Variants in KIRREL3 observed in about 807,000 individuals in gnomAD.
KIRREL3 encodes kirre like nephrin family adhesion molecule 3, also known as kin of IRRE-like protein 3.
Under a neutral mutation model 89.7 loss-of-function variants are expected in KIRREL3, and 36 were observed. That is an observed-to-expected ratio of 0.40 (90% CI 0.31 to 0.53). The LOEUF (loss-of-function observed/expected upper bound fraction) is 0.53. KIRREL3 is among the 20% of genes least tolerant of loss of function. The pLI is 0.49. For synonymous variants in KIRREL3, 445 were observed against 441.4 expected, an observed-to-expected ratio of 1.01 and a Z score of -0.10; for missense variants, 864 against 1,056.6, an observed-to-expected ratio of 0.82 and a Z score of 2.53.
chr11:126,533,044 C>A (rs1958991193), intron 2 of KIRREL3, among the ~76,000 whole-genome samples: 1 of 152,140 alleles, frequency 6.6e-6, no homozygotes, highest in Admixed American at 6.5e-5. Flanking sequence ...TGGCCTGAAG[C>A]AATCCTCGTG....
chr11:126,696,258 A>AT lies in KIRREL3; in HGVS notation c.56-133347dup, dbSNP rs1947091340. 6.6e-6 allele frequency among the ~76,000 whole-genome samples: 1 copy of AT among 150,682 alleles called. No homozygotes were observed. The highest frequency in any genetic ancestry group is 1.5e-5 in the Non-Finnish European group (1 of 67,686). ...GGCCACTGAGCGAGACTCTATCTCA[A>AT]TTAAAAAAAAAAAAAAAAGCCTGGA... On this transcript the variant is annotated intron_variant, in intron 1 of 16. Coordinates refer to ENST00000525144, the MANE Select transcript of KIRREL3 (RefSeq NM_032531.4). This position sits in a 1 kb window ranked among gnomAD's most constrained non-coding sequence, Gnocchi z 4.4.
At chr11:126,673,828 G>C (rs1946066746) in intron 1 of KIRREL3, among the ~76,000 whole-genome samples, 2 of 152,236 alleles carry the variant, frequency 1.3e-5, no homozygotes, top group African/African-American at 4.8e-5. Context: ...CACCGGGATG[G>C]ATGTTCCTCC....
In KIRREL3 at chr11:126,995,591, C is replaced by A. The variant is rs1950160296; in HGVS notation, c.55+4864G>T. ...TAAAACCAGTGCTTTTGGCCCTCCT[C>A]CTCACTCCTCCAGTATGGGCAATTT... On this transcript the variant is annotated intron_variant, in intron 1 of 16. Transcript: ENST00000525144. This position sits in a 1 kb window ranked among gnomAD's most constrained non-coding sequence, Gnocchi z 6.5. 1 of 303,620 alleles carries A rather than the reference C, an allele frequency of 3.3e-6. No homozygotes were observed. Among genetic ancestry groups the A allele is most frequent in the South Asian group, 3.0e-5 (1 of 33,472 alleles). The allele number at this position is 303,620 out of a possible 1,614,324, so 18.8% of individuals were successfully genotyped here.
intron 12 of KIRREL3, among the ~76,000 whole-genome samples, chr11:126,436,323 G>A (rs1955333666): frequency 6.6e-6 from 1 of 152,238 alleles, no homozygotes; most frequent in Admixed American, 6.5e-5. Flanking sequence ...GCCCTCTGTG[G>A]GACTTGTGTC....
rs977442133 is a variant in KIRREL3, at chr11:126,428,550, G to A, written c.1806+629C>T. On this transcript the variant is annotated intron_variant, in intron 15 of 16. Coordinates refer to ENST00000525144, the MANE Select transcript of KIRREL3 (RefSeq NM_032531.4). The surrounding 1 kb of genome is among the most constrained non-coding windows in gnomAD (Gnocchi z 6.4). ...ATGTGTGTGTGTGCGGGGGAGGGGA[G>A]GGGATTATATGTTATATAACAACAT... is the stretch of plus-strand genomic sequence containing the variant. Among the ~76,000 whole-genome samples, 3 of 152,046 alleles carry A rather than the reference G, an allele frequency of 2.0e-5. No homozygotes were observed. Among genetic ancestry groups the A allele is most frequent in the African/African-American group, 7.3e-5 (3 of 41,370 alleles).
At position 126,530,749 on chromosome 11, in the gene KIRREL3, C is replaced by T. The variant is rs562001897; in HGVS notation, c.134-4062G>A. On this transcript the variant is annotated intron_variant, in intron 2 of 16. Coordinates refer to ENST00000525144, the MANE Select transcript of KIRREL3 (RefSeq NM_032531.4). This position sits in a 1 kb window ranked among gnomAD's most constrained non-coding sequence, Gnocchi z 5.8. The stretch of plus-strand genomic sequence containing the variant: ...ACCGGCCCAGGGTTTCCATCTTCTC[C>T]GCTTCGCATTTTCCCTGATGATGTT... Among the ~76,000 whole-genome samples, 26 of 152,330 alleles carry T rather than the reference C, an allele frequency of 1.7e-4. No homozygotes were observed. Among genetic ancestry groups the T allele is most frequent in the East Asian group, 5.8e-4 (3 of 5,186 alleles).
rs1054504694 is a variant in KIRREL3, at chr11:126,685,648, T to C, written c.56-122736A>G. Among the ~76,000 whole-genome samples, 47 of 152,318 alleles carry C rather than the reference T, an allele frequency of 3.1e-4. No individual in the cohort carries two copies. The highest frequency in any genetic ancestry group is 1.0e-4 in the Non-Finnish European group (7 of 68,014). ...AGTCATAATGGTAACAGATAAACCT[T>C]AATTAAAACATTCCAAAATACCATG... On this transcript the variant is annotated intron_variant, in intron 1 of 16. Transcript: ENST00000525144. This position sits in a 1 kb window ranked among gnomAD's most constrained non-coding sequence, Gnocchi z 5.5.
intron 1 of KIRREL3, among the ~76,000 whole-genome samples, chr11:126,794,457 C>T (rs61897931): frequency 0.043 from 6,485 of 152,310 alleles, 211 homozygotes; most frequent in Middle Eastern, 0.085. Context: ...CATTCTGAGC[C>T]TCAGTCTCCT....
intron 1 of KIRREL3, among the ~76,000 whole-genome samples, chr11:126,779,530 T>C (rs1034018371): frequency 1.3e-5 from 2 of 152,204 alleles, no homozygotes; most frequent in Non-Finnish European, 2.9e-5. Context: ...CCAATCATTA[T>C]AACACATCTC....
At chr11:126,941,256 C>A (rs998178716) in intron 1 of KIRREL3, among the ~76,000 whole-genome samples, 18 of 148,956 alleles carry the variant, frequency 1.2e-4, no homozygotes, top group African/African-American at 4.5e-4. Flanking sequence ...ATAGTAAAAA[C>A]AAACAAACAA....
intron 1 of KIRREL3, among the ~76,000 whole-genome samples, chr11:126,722,584 C>A (rs1295133790): frequency 6.6e-6 from 1 of 152,234 alleles, no homozygotes. Flanking sequence ...TACTTTCATG[C>A]CACAATGGCA....
intron 1 of KIRREL3, among the ~76,000 whole-genome samples, chr11:126,585,161 C>T (rs1395237438): frequency 6.6e-6 from 1 of 150,806 alleles, no homozygotes; most frequent in African/African-American, 2.4e-5. Flanking sequence ...CCTCGCGATC[C>T]GTCAGCCTTG....
chr11:126,929,120 A>G (rs1947836209), intron 1 of KIRREL3, among the ~76,000 whole-genome samples: 1 of 152,218 alleles, frequency 6.6e-6, no homozygotes, highest in South Asian at 2.1e-4. Flanking sequence ...ACATCTGCCA[A>G]CTGTGACTGA....
In KIRREL3 at chr11:126,742,630, C is replaced by A. The variant is rs1294692924; in HGVS notation, c.56-179718G>T. On this transcript the variant is annotated intron_variant, in intron 1 of 16. Coordinates refer to ENST00000525144, the MANE Select transcript of KIRREL3 (RefSeq NM_032531.4). This position sits in a 1 kb window ranked among gnomAD's most constrained non-coding sequence, Gnocchi z 5.3. ...ACTTGTCAAGGTCACATAGCCAGTACATGGTTGAACTGGGACATCAGCCTA... is the reference window on the plus strand; with the variant it reads ...ACTTGTCAAGGTCACATAGCCAGTAAATGGTTGAACTGGGACATCAGCCTA... Among the ~76,000 whole-genome samples, 1 of 152,194 alleles carries A rather than the reference C, an allele frequency of 6.6e-6. No homozygotes were observed. The highest frequency in any genetic ancestry group is 2.4e-5 in the African/African-American group (1 of 41,442).
intron 1 of KIRREL3, among the ~76,000 whole-genome samples, chr11:126,787,843 G>A (rs796120876): frequency 5.9e-5 from 9 of 152,290 alleles, no homozygotes; most frequent in African/African-American, 1.7e-4. Flanking sequence ...TTCTAACAAT[G>A]GAAGCAGGTC....
In KIRREL3 at chr11:126,965,829, T is replaced by G. The variant is rs970724579; in HGVS notation, c.55+34626A>C. 1.3e-5 allele frequency among the ~76,000 whole-genome samples: 2 copies of G among 152,102 alleles called. No homozygotes were observed. Among genetic ancestry groups the G allele is most frequent in the Non-Finnish European group, 2.9e-5 (2 of 68,022 alleles). On this transcript the variant is annotated intron_variant, in intron 1 of 16. Coordinates refer to ENST00000525144, the MANE Select transcript of KIRREL3 (RefSeq NM_032531.4). This position sits in a 1 kb window ranked among gnomAD's most constrained non-coding sequence, Gnocchi z 4.4. Reference sequence around the variant, plus strand: ...GTGCCAGCGATGATAGCCAGACAGGTGACAGAACTCGATGTGTGTGGGTAT... The same window carrying G: ...GTGCCAGCGATGATAGCCAGACAGGGGACAGAACTCGATGTGTGTGGGTAT...
intron 1 of KIRREL3, among the ~76,000 whole-genome samples, chr11:126,670,463 A>G (rs1945885667): frequency 6.6e-6 from 1 of 152,344 alleles, no homozygotes; most frequent in South Asian, 2.1e-4. Flanking sequence ...GTGCAATAAG[A>G]TAAGTAAAAG....
intron 2 of KIRREL3, among the ~76,000 whole-genome samples, chr11:126,546,161 T>C (rs935623158): frequency 3.3e-5 from 5 of 152,202 alleles, no homozygotes; most frequent in Non-Finnish European, 7.3e-5. Context: ...CAATAAATGT[T>C]GAATGTATCC....
At position 126,883,336 on chromosome 11, in the gene KIRREL3, C is replaced by A. The variant is rs1945577496; in HGVS notation, c.55+117119G>T. Among the ~76,000 whole-genome samples the A allele has an allele frequency of 6.6e-6, 1 of 152,122 alleles. No homozygotes were observed. The highest frequency in any genetic ancestry group is 2.1e-4 in the South Asian group (1 of 4,824). On this transcript the variant is annotated intron_variant, in intron 1 of 16. Coordinates refer to ENST00000525144, the MANE Select transcript of KIRREL3 (RefSeq NM_032531.4). This position sits in a 1 kb window ranked among gnomAD's most constrained non-coding sequence, Gnocchi z 4.1. ...TTCAAGCAGCACAGCAGTTAAAGAA[C>A]TTTATAGCCTCTTCCCAACAAATGC...
Sources: allele counts gnomAD v4.1 joint callset (sites outside exome capture counted in the v4.1 genomes callset), GRCh38; gene constraint gnomAD v4.1.1; non-coding constraint Gnocchi (gnomAD v3.1); transcripts MANE v1.5; gene names NCBI Gene and HGNC (gene_info 2026-07-23, HGNC 2026-07-21).